The following SPOCK1 variants were observed in gnomAD, a reference collection of about 807,000 sequenced individuals.
SPOCK1 encodes the protein SPARC (osteonectin), cwcv and kazal like domains proteoglycan 1.
In SPOCK1, 23 loss-of-function variants were observed where a neutral mutation model predicts 55.3. The observed-to-expected ratio is 0.42, with a 90% confidence interval of 0.30 to 0.59. The LOEUF (loss-of-function observed/expected upper bound fraction) is 0.59. Among genes scored for constraint, SPOCK1 ranks in the 20% least tolerant of loss-of-function variants. SPOCK1 has a pLI of 0.22. For missense variants in SPOCK1, 499 were observed against 552.5 expected, an observed-to-expected ratio of 0.90 and a Z score of 0.97; for synonymous variants, 226 against 221.0, an observed-to-expected ratio of 1.02 and a Z score of -0.20.
chr5:137,052,993 T>C (rs561404166), intron 6 of SPOCK1, among the ~76,000 whole-genome samples: 17 of 152,320 alleles, frequency 1.1e-4, no homozygotes, highest in Admixed American at 5.2e-4. Flanking sequence ...CAGGGTGTTC[T>C]GGTCCAGCAT....
At chr5:137,453,335 T>C (rs1753295691) in intron 2 of SPOCK1, among the ~76,000 whole-genome samples, 1 of 152,178 alleles carries the variant, frequency 6.6e-6, no homozygotes, top group South Asian at 2.1e-4. Context: ...TTAAAAATAA[T>C]TGTCAATTCC....
intron 2 of SPOCK1, among the ~76,000 whole-genome samples, chr5:137,302,115 G>A (rs994455355): frequency 6.6e-6 from 1 of 152,136 alleles, no homozygotes; most frequent in Non-Finnish European, 1.5e-5. Flanking sequence ...ATTCAGGCTG[G>A]TCCACTCCAC....
At chr5:137,036,998 T>C (rs1353621776) in intron 6 of SPOCK1, among the ~76,000 whole-genome samples, 1 of 152,094 alleles carries the variant, frequency 6.6e-6, no homozygotes, top group South Asian at 2.1e-4. Flanking sequence ...CACGCTAATG[T>C]AGGCAGTGCT....
chr5:137,012,570 A>C (rs1751371495), intron 6 of SPOCK1, among the ~76,000 whole-genome samples: 1 of 152,172 alleles, frequency 6.6e-6, no homozygotes, highest in African/African-American at 2.4e-5. Flanking sequence ...GAAATATATA[A>C]TAGGGTCAAA....
intron 3 of SPOCK1, among the ~76,000 whole-genome samples, chr5:137,176,815 C>T (rs1330817322): frequency 1.3e-5 from 2 of 152,054 alleles, no homozygotes; most frequent in African/African-American, 2.4e-5. Context: ...AATGCAGCAT[C>T]AATTGATGCC....
intron 2 of SPOCK1, among the ~76,000 whole-genome samples, chr5:137,272,495 CCCTACCT>C (rs1417069532): frequency 6.6e-6 from 1 of 152,164 alleles, no homozygotes; most frequent in East Asian, 1.9e-4. Context: ...CACACAACTA[CCCTACCT>C]CTGAGCTGTT....
At chr5:137,242,723 G>T (rs1018432727) in intron 3 of SPOCK1, among the ~76,000 whole-genome samples, 1 of 152,122 alleles carries the variant, frequency 6.6e-6, no homozygotes, top group East Asian at 1.9e-4. Context: ...GGGTGACAGG[G>T]TGAAACCCTG....
intron 4 of SPOCK1, among the ~76,000 whole-genome samples, chr5:137,126,876 T>C (rs1753791815): frequency 6.6e-6 from 1 of 152,212 alleles, no homozygotes; most frequent in Non-Finnish European, 1.5e-5. Context: ...CTAAACTGGA[T>C]ATTTGGCTGA....
At chr5:137,059,376 A>G (rs1402531559) in intron 6 of SPOCK1, among the ~76,000 whole-genome samples, 2 of 152,282 alleles carry the variant, frequency 1.3e-5, no homozygotes. Context: ...ATGGATGAGT[A>G]AAGTTAAAAA....
intron 2 of SPOCK1, among the ~76,000 whole-genome samples, chr5:137,408,253 C>G (rs1468464998): frequency 1.3e-5 from 2 of 152,168 alleles, no homozygotes; most frequent in African/African-American, 2.4e-5. Flanking sequence ...TTATAGAAGA[C>G]AGAAGAGGCT....
At chr5:137,415,569 A>G (rs559042628) in intron 2 of SPOCK1, among the ~76,000 whole-genome samples, 3 of 152,370 alleles carry the variant, frequency 2.0e-5, no homozygotes, top group Non-Finnish European at 4.4e-5. Context: ...GTAAACAGGC[A>G]GTTCCCTGGT....
At chr5:137,272,925 C>T (rs1177602423) in intron 2 of SPOCK1, among the ~76,000 whole-genome samples, 1 of 152,166 alleles carries the variant, frequency 6.6e-6, no homozygotes, top group Non-Finnish European at 1.5e-5. Flanking sequence ...ATTCCCATAA[C>T]TATTACTAGT....
At chr5:137,067,652 A>T in intron 6 of SPOCK1, 63 bp downstream of exon 6, 1 of 1,417,366 alleles carries the variant, frequency 7.1e-7, no homozygotes, top group Non-Finnish European at 1.0e-6. Flanking sequence ...GAGCTCGGCC[A>T]CATCAACCCT....
intron 2 of SPOCK1, among the ~76,000 whole-genome samples, chr5:137,465,765 C>A (rs929962696): frequency 6.6e-6 from 1 of 152,176 alleles, no homozygotes; most frequent in African/African-American, 2.4e-5. Context: ...AATTCTGAGG[C>A]AAGAGATATA....
intron 2 of SPOCK1, among the ~76,000 whole-genome samples, chr5:137,290,169 C>G (rs1757346101): frequency 6.6e-6 from 1 of 152,130 alleles, no homozygotes; most frequent in Admixed American, 6.5e-5. Context: ...AGCAGAAATA[C>G]TCAAAATTAC....
At chr5:137,005,392 T>C (rs1751228439) in intron 6 of SPOCK1, among the ~76,000 whole-genome samples, 1 of 76,586 alleles carries the variant, frequency 1.3e-5, no homozygotes, top group Non-Finnish European at 3.4e-5. Context: ...TGCATCTATG[T>C]TCTAGGTTTT....
intron 3 of SPOCK1, among the ~76,000 whole-genome samples, chr5:137,189,484 C>A (rs1290398897): frequency 6.6e-6 from 1 of 152,194 alleles, no homozygotes; most frequent in Non-Finnish European, 1.5e-5. Flanking sequence ...GATGACAGCA[C>A]ATCTGTTTAC....
Position 137,293,878 on chromosome 5 carries a change from G to A in SPOCK1, c.187-26823C>T, listed in dbSNP as rs192792670. Among the ~76,000 whole-genome samples, 343 of 152,300 alleles carry A rather than the reference G, an allele frequency of 2.3e-3. 1 individual carries two copies. Among genetic ancestry groups the A allele is most frequent in the African/African-American group, 7.4e-3 (307 of 41,558 alleles). On this transcript the variant is annotated intron_variant, in intron 2 of 10. Coordinates refer to ENST00000394945, the MANE Select transcript of SPOCK1 (RefSeq NM_004598.4). ...AAAAATACAAAAAAATTAGCCGGGC[G>A]TGGTGGCATGCGCCTGTAGTCCCAG...
At chr5:137,291,969 G>A (rs1580850071) in intron 2 of SPOCK1, among the ~76,000 whole-genome samples, 1 of 152,184 alleles carries the variant, frequency 6.6e-6, no homozygotes, top group South Asian at 2.1e-4. Context: ...GGAAGAGGCT[G>A]GCTTGGAACT....
Sources: gnomAD v4.1 joint callset for allele counts (sites outside exome capture counted in the v4.1 genomes callset) on GRCh38, gnomAD v4.1.1 for gene constraint, MANE v1.5 for transcripts, NCBI Gene and HGNC (gene_info 2026-07-23, HGNC 2026-07-21) for gene names.